SLC39A10: variants seen among roughly 807,000 people sequenced by gnomAD.
The protein encoded by SLC39A10 is zinc transporter ZIP10.
A neutral mutation model predicts 65.1 loss-of-function variants in SLC39A10; 13 were observed. The observed-to-expected ratio is 0.20, with a 90% CI of 0.13 to 0.32. The LOEUF (loss-of-function observed/expected upper bound fraction) is 0.32, where lower values mean the gene tolerates loss of function less well. Ranked by LOEUF, SLC39A10 falls within the 10% of genes least tolerant of loss-of-function variation. The probability of loss-of-function intolerance (pLI) is 1.00; values close to 1 mark genes in which losing one functional copy is unlikely to be tolerated. For synonymous variants in SLC39A10, 321 were observed against 342.2 expected (o/e 0.94, Z 0.68); for missense variants, 831 against 1,018.4 (o/e 0.82, Z 2.50).
Position 195,631,202 on chromosome 2 carries a change from C to CTA in SLC39A10, c.-12+24978_-12+24979dup, listed in dbSNP as rs1456219888. Among the ~76,000 whole-genome samples, 7 of 151,100 alleles carry CTA rather than the reference C, an allele frequency of 4.6e-5. No individual in the cohort carries two copies. The Admixed American group carries it at 4.6e-4, about 10-fold the overall frequency. ...CTCTGTCTTAAATATATCTATATAT[C>CTA]TATATATATAGAGATATATATATCA... On this transcript the variant is annotated intron_variant, in intron 2 of 2. Transcript: ENST00000458054.
Position 195,735,255 on chromosome 2 carries a change from G to A in SLC39A10, c.*214G>A. ...AAATATAAAGCTTGTGATAAAGAGAGGAGAATATGGGACTCCATGAACCAG... is the reference window on the plus strand; with the variant it reads ...AAATATAAAGCTTGTGATAAAGAGAAGAGAATATGGGACTCCATGAACCAG... On this transcript the variant is annotated 3_prime_UTR_variant, in exon 10 of 10. Coordinates refer to ENST00000359634, the MANE Select transcript of SLC39A10 (RefSeq NM_020342.3). The A allele has an allele frequency of 2.6e-6, 1 of 385,780 alleles. No individual in the cohort carries two copies. Among genetic ancestry groups the A allele is most frequent in the Non-Finnish European group, 4.6e-6 (1 of 219,418 alleles). 23.9% of individuals were successfully genotyped at this position (385,780 alleles called of 1,614,324 possible). A position where few individuals can be genotyped will look rare whatever the true frequency, so the allele number is the denominator to read the frequency against.
At chr2:195,723,980 A>T (rs1692144823) in intron 8 of SLC39A10, among the ~76,000 whole-genome samples, 1 of 152,226 alleles carries the variant, frequency 6.6e-6, no homozygotes, top group South Asian at 2.1e-4. Flanking sequence ...ATAGTGTTGT[A>T]CATTTTTCCT....
At chr2:195,692,882 A>AATAG (rs1287632871) in intron 3 of SLC39A10, among the ~76,000 whole-genome samples, 1 of 152,130 alleles carries the variant, frequency 6.6e-6, no homozygotes, top group Non-Finnish European at 1.5e-5. Flanking sequence ...AGAAGTGGTG[A>AATAG]AAGTGGCATC....
chr2:195,729,608 G>A (rs957307568), intron 9 of SLC39A10, among the ~76,000 whole-genome samples: 2 of 151,928 alleles, frequency 1.3e-5, no homozygotes, highest in Admixed American at 6.6e-5. Context: ...TGATCCTCTC[G>A]TGCTGACTCC....
chr2:195,711,153 T>C (rs930061277), intron 5 of SLC39A10, among the ~76,000 whole-genome samples: 1 of 152,238 alleles, frequency 6.6e-6, no homozygotes, highest in Non-Finnish European at 1.5e-5. Flanking sequence ...GAATTGCCAA[T>C]TGAGCATCTC....
At chr2:195,665,233 C>T (rs531721663) in intron 1 of SLC39A10, among the ~76,000 whole-genome samples, 1 of 152,306 alleles carries the variant, frequency 6.6e-6, no homozygotes, top group South Asian at 2.1e-4. Flanking sequence ...AGGAGAATTG[C>T]TTGAACCTGG....
intron 5 of SLC39A10, among the ~76,000 whole-genome samples, chr2:195,710,311 A>G (rs1691561706): frequency 6.6e-6 from 1 of 152,204 alleles, no homozygotes; most frequent in Non-Finnish European, 1.5e-5. Context: ...GATTATCTTC[A>G]GTATATTCTG....
chr2:195,726,770 A>G (rs1692254832), intron 8 of SLC39A10, among the ~76,000 whole-genome samples: 1 of 152,182 alleles, frequency 6.6e-6, no homozygotes, highest in Non-Finnish European at 1.5e-5. Flanking sequence ...CCTTGTAACC[A>G]TGAGAGGTAT....
At chr2:195,617,700 G>GTTTATTTTATTTTATTTTATTTTAT (rs542710118) in intron 2 of SLC39A10, among the ~76,000 whole-genome samples, 4 of 97,542 alleles carry the variant, frequency 4.1e-5, no homozygotes, top group Admixed American at 8.5e-5. Flanking sequence ...GTGAGACCTT[G>GTTTATTTTATTTTATTTTATTTTAT]TTTCTTTTCT....
At chr2:195,661,452 C>G (rs2105731008) in intron 1 of SLC39A10, among the ~76,000 whole-genome samples, 1 of 152,250 alleles carries the variant, frequency 6.6e-6, no homozygotes, top group Admixed American at 6.5e-5. Flanking sequence ...GTTGTCCAGG[C>G]TGGTCACAAA....
At position 195,629,170 on chromosome 2, in the gene SLC39A10, C is replaced by T. The variant is rs142236276; in HGVS notation, c.-12+22937C>T. On this transcript the variant is annotated intron_variant, in intron 2 of 2. Coordinates refer to the SLC39A10 transcript ENST00000458054. ...TTGGGAGGCCAAGGTGAGCGGATCA[C>T]GAGGTCAGGAAATCGAGATCATCCT... 3.7e-3 allele frequency among the ~76,000 whole-genome samples: 564 copies of T among 152,138 alleles called. 2 individuals are homozygous for T. The highest frequency in any genetic ancestry group is 0.013 in the African/African-American group (536 of 41,528).
intron 5 of SLC39A10, among the ~76,000 whole-genome samples, chr2:195,710,327 G>A (rs535223997): frequency 6.6e-6 from 1 of 152,208 alleles, no homozygotes; most frequent in Admixed American, 6.5e-5. Flanking sequence ...TTCTGTTTAA[G>A]TAAAGCTTTC....
intron 2 of SLC39A10, among the ~76,000 whole-genome samples, chr2:195,645,003 A>G (rs1265980426): frequency 2.0e-5 from 3 of 151,420 alleles, no homozygotes; most frequent in East Asian, 1.9e-4. Context: ...TCTGCCTCCC[A>G]GGTTCAAGCG....
chr2:195,639,453 A>G (rs1256221559), intron 2 of SLC39A10, among the ~76,000 whole-genome samples: 1 of 152,198 alleles, frequency 6.6e-6, no homozygotes, highest in Non-Finnish European at 1.5e-5. Context: ...TGGCTGAGTT[A>G]GCATTTGTCA....
At chr2:195,636,043 T>C (rs145906127) in intron 2 of SLC39A10, among the ~76,000 whole-genome samples, 1 of 152,318 alleles carries the variant, frequency 6.6e-6, no homozygotes, top group East Asian at 1.9e-4. Flanking sequence ...ATTTCACTTA[T>C]AGGTTTTCTG....
intron 4 of SLC39A10, among the ~76,000 whole-genome samples, chr2:195,707,648 T>C (rs1016017828): frequency 6.6e-6 from 1 of 152,184 alleles, no homozygotes; most frequent in East Asian, 1.9e-4. Context: ...TATGAAGTTT[T>C]TGTTTCACCA....
At chr2:195,660,029 C>G (rs745485789) in intron 1 of SLC39A10, among the ~76,000 whole-genome samples, 1 of 152,016 alleles carries the variant, frequency 6.6e-6, no homozygotes, top group African/African-American at 2.4e-5. Flanking sequence ...ATCTTGTTTT[C>G]CCTGCCAAAC....
At chr2:195,628,878 A>C (rs1688525301) in intron 2 of SLC39A10, among the ~76,000 whole-genome samples, 2 of 152,226 alleles carry the variant, frequency 1.3e-5, no homozygotes. Context: ...AAAATGTATT[A>C]TCTGATTCAG....
At chr2:195,635,594 T>C (rs989614607) in intron 2 of SLC39A10, among the ~76,000 whole-genome samples, 1 of 152,124 alleles carries the variant, frequency 6.6e-6, no homozygotes. Context: ...GTTTTGATTG[T>C]TTGCTTGCTT....
Sources: allele counts gnomAD v4.1 joint callset (sites outside exome capture counted in the v4.1 genomes callset), GRCh38; gene constraint gnomAD v4.1.1; transcripts MANE v1.5; gene names NCBI Gene and HGNC (gene_info 2026-07-23, HGNC 2026-07-21).